Variants in DLC1 observed in about 807,000 individuals in gnomAD.
DLC1 encodes the protein DLC1 Rho GTPase activating protein, also known as rho GTPase-activating protein 7.
In DLC1, 54 loss-of-function variants were observed where a neutral mutation model predicts 140.3. That is an observed-to-expected ratio of 0.38 (90% CI 0.31 to 0.48). The LOEUF (loss-of-function observed/expected upper bound fraction) is 0.48, where lower values mean the gene tolerates loss of function less well. DLC1 is among the 20% of genes least tolerant of loss of function. The pLI, the probability that DLC1 is intolerant of heterozygous loss-of-function variation, is 0.96. For missense variants in DLC1, 2,536 were observed against 1,907.0 expected (o/e 1.33, Z -6.14); for synonymous variants, 986 against 728.1 (o/e 1.35, Z -5.70).
chr8:13,131,958 C>T (rs745435033), intron 5 of DLC1, among the ~76,000 whole-genome samples: 5 of 152,160 alleles, frequency 3.3e-5, no homozygotes, highest in Non-Finnish European at 7.4e-5. Flanking sequence ...GGTGCACCTC[C>T]TTCGGAGGGA....
At chr8:13,260,715 A>G (rs1294217802) in intron 5 of DLC1, among the ~76,000 whole-genome samples, 2 of 152,186 alleles carry the variant, frequency 1.3e-5, no homozygotes, top group Non-Finnish European at 2.9e-5. Context: ...TGGTACTTTG[A>G]GTTTCAGCAA....
Position 13,083,381 on chromosome 8 carries a change from A to C in DLC1, c.*2430T>G, listed in dbSNP as rs778563015. ...ATCAGTTCAGTATAGCAAATAATAA[A>C]TTTATTAGGTGCCTACAAGTACAAA... On this transcript the variant is annotated 3_prime_UTR_variant, in exon 18 of 18. Coordinates refer to ENST00000276297, the MANE Select transcript of DLC1 (RefSeq NM_182643.3). 1.3e-5 allele frequency: 2 copies of C among 152,090 alleles called. No homozygotes were observed. Among genetic ancestry groups the C allele is most frequent in the Non-Finnish European group, 2.9e-5 (2 of 68,028 alleles). 9.4% of individuals were successfully genotyped at this position (152,090 alleles called of 1,614,324 possible).
At chr8:13,492,720 T>G (rs1801316605) in intron 2 of DLC1, among the ~76,000 whole-genome samples, 1 of 152,224 alleles carries the variant, frequency 6.6e-6, no homozygotes, top group South Asian at 2.1e-4. Flanking sequence ...AAATGCTCAA[T>G]ATTTATTGAT....
intron 5 of DLC1, among the ~76,000 whole-genome samples, chr8:13,130,614 T>A (rs556288984): frequency 1.3e-5 from 2 of 152,338 alleles, no homozygotes; most frequent in East Asian, 3.9e-4. Flanking sequence ...TTTGAAACAC[T>A]GCCTTCATAG....
chr8:13,120,624 T>G (rs909438531), intron 5 of DLC1, among the ~76,000 whole-genome samples: 1 of 151,892 alleles, frequency 6.6e-6, no homozygotes, highest in African/African-American at 2.4e-5. Flanking sequence ...CACTAGAAAC[T>G]AAAAATACAA....
chr8:13,298,214 A>G (rs1014796570), intron 5 of DLC1, among the ~76,000 whole-genome samples: 25 of 152,328 alleles, frequency 1.6e-4, no homozygotes, highest in African/African-American at 5.8e-4. Context: ...AGCTCCAGGC[A>G]GGAGAATAAA....
chr8:13,403,016 C>G (rs1363410513), intron 2 of DLC1, among the ~76,000 whole-genome samples: 1 of 152,158 alleles, frequency 6.6e-6, no homozygotes, highest in East Asian at 1.9e-4. Context: ...GGATATGTTA[C>G]TTAAGTAAAC....
chr8:13,602,617 T>C (rs1227476188), intron 1 of DLC1, among the ~76,000 whole-genome samples: 1 of 151,858 alleles, frequency 6.6e-6, no homozygotes, highest in Non-Finnish European at 1.5e-5. Context: ...GTCAAAACAG[T>C]CCTGAGTACC....
At chr8:13,259,660 T>C (rs950592666) in intron 5 of DLC1, among the ~76,000 whole-genome samples, 8 of 152,168 alleles carry the variant, frequency 5.3e-5, no homozygotes, top group African/African-American at 1.9e-4. Context: ...TTCTGAGAAA[T>C]GTAGACTTGT....
chr8:13,568,592 A>G lies in DLC1; in HGVS notation c.-126+35945T>C, dbSNP rs1804538808. Reference sequence around the variant, plus strand: ...TTGTCAAGCGTTTTTGGAAATGAATAAGAAGAGAAGCAGGGTTGATACAAA... The same window carrying G: ...TTGTCAAGCGTTTTTGGAAATGAATGAGAAGAGAAGCAGGGTTGATACAAA... On this transcript the variant is annotated intron_variant, in intron 1 of 1. Transcript: ENST00000631382. Among the ~76,000 whole-genome samples, 5 of 152,310 alleles carry G rather than the reference A, an allele frequency of 3.3e-5. No homozygotes were observed. The South Asian group carries it at 1.0e-3, about 32-fold the overall frequency.
chr8:13,461,087 G>C (rs1322183105), intron 2 of DLC1, among the ~76,000 whole-genome samples: 1 of 152,228 alleles, frequency 6.6e-6, no homozygotes, highest in Non-Finnish European at 1.5e-5. Context: ...GTGCACATCT[G>C]TGGTCCCAGT....
intron 4 of DLC1, among the ~76,000 whole-genome samples, chr8:13,348,565 T>G (rs945546664): frequency 6.6e-6 from 1 of 152,196 alleles, no homozygotes. Context: ...GAACACTTTT[T>G]GACGACCATC....
rs182453096 is a variant in DLC1 at position 13,151,874 on chromosome 8, T to A, written c.1349-36217A>T. ...TATTGTCGGTAAAAGTTATTTTTTTTAAAAAAAGAAAGTGGTAAGGCTGCA... is the reference window on the plus strand; with the variant it reads ...TATTGTCGGTAAAAGTTATTTTTTTAAAAAAAAGAAAGTGGTAAGGCTGCA... On this transcript the variant is annotated intron_variant, in intron 5 of 17. Transcript: ENST00000276297. 9.6e-3 allele frequency among the ~76,000 whole-genome samples: 1,454 copies of A among 152,214 alleles called. 17 individuals are homozygous for A. The highest frequency in any genetic ancestry group is 0.032 in the African/African-American group (1,317 of 41,538).
At chr8:13,327,961 A>G (rs898340556) in intron 4 of DLC1, among the ~76,000 whole-genome samples, 1 of 152,248 alleles carries the variant, frequency 6.6e-6, no homozygotes, top group East Asian at 1.9e-4. Flanking sequence ...AGCACTCCTC[A>G]GACTGGGAAC....
intron 5 of DLC1, among the ~76,000 whole-genome samples, chr8:13,120,446 C>T (rs1281835077): frequency 4.1e-5 from 6 of 146,704 alleles, no homozygotes; most frequent in South Asian, 2.2e-4. Context: ...TACTGAAAAC[C>T]GCATATATAT....
chr8:13,329,441 G>A (rs553028967), intron 4 of DLC1, among the ~76,000 whole-genome samples: 148 of 152,194 alleles, frequency 9.7e-4, no homozygotes, highest in African/African-American at 3.4e-3. Context: ...ATGGAATCTA[G>A]TCATCCCCAG....
At chr8:13,113,743 AC>A (rs1470447356) in intron 6 of DLC1, among the ~76,000 whole-genome samples, 1 of 152,212 alleles carries the variant, frequency 6.6e-6, no homozygotes, top group African/African-American at 2.4e-5. Context: ...ACAGGTTAAA[AC>A]TTCTCTCTAA....
intron 1 of DLC1, among the ~76,000 whole-genome samples, chr8:13,556,767 A>T (rs1019723442): frequency 6.6e-6 from 1 of 152,200 alleles, no homozygotes; most frequent in Non-Finnish European, 1.5e-5. Flanking sequence ...GGAAAAACAT[A>T]TGCTTATTTC....
chr8:13,399,836 T>C (rs1400899135), intron 3 of DLC1, among the ~76,000 whole-genome samples: 1 of 152,186 alleles, frequency 6.6e-6, no homozygotes, highest in Non-Finnish European at 1.5e-5. Context: ...CTCATAAATA[T>C]TCTCAAACTG....
Sources: gnomAD v4.1 joint callset for allele counts (sites outside exome capture counted in the v4.1 genomes callset) on GRCh38, gnomAD v4.1.1 for gene constraint, MANE v1.5 for transcripts, NCBI Gene and HGNC (gene_info 2026-07-23, HGNC 2026-07-21) for gene names.